The following SH3PXD2A variants were observed in gnomAD, a reference collection of about 807,000 sequenced individuals.
The protein encoded by SH3PXD2A is SH3 and PX domain-containing protein 2A.
Under a neutral mutation model 115.2 loss-of-function variants are expected in SH3PXD2A, and 32 were observed. That is an observed-to-expected ratio of 0.28 (90% CI 0.21 to 0.37). The LOEUF (loss-of-function observed/expected upper bound fraction) is 0.37, where lower values mean the gene tolerates loss of function less well. Ranked by LOEUF, SH3PXD2A falls within the 10% of genes least tolerant of loss-of-function variation. The pLI, the probability that SH3PXD2A is intolerant of heterozygous loss-of-function variation, is 1.00. For synonymous variants in SH3PXD2A, 610 were observed against 629.1 expected, an observed-to-expected ratio of 0.97 and a Z score of 0.45; for missense variants, 1,328 against 1,498.7, an observed-to-expected ratio of 0.89 and a Z score of 1.88.
intron 1 of SH3PXD2A, among the ~76,000 whole-genome samples, chr10:103,853,940 A>G (rs1473727): frequency 0.87 from 132,433 of 152,218 alleles, 58,775 homozygotes; most frequent in East Asian, 0.99. Context: ...ACCAGATGAC[A>G]CAAAAGAAAC....
rs2036149404 is a variant in SH3PXD2A, at chr10:103,597,214, G to C, written c.*4602C>G. On this transcript the variant is annotated 3_prime_UTR_variant, in exon 15 of 15. Coordinates refer to ENST00000369774, the MANE Select transcript of SH3PXD2A (RefSeq NM_001394015.1). Reference sequence around the variant, plus strand: ...AGGCTCAGCCCCAGGCCCTGCTGCAGGCTTGTGGGAATTGGTGTCTCACCA... The same window carrying C: ...AGGCTCAGCCCCAGGCCCTGCTGCACGCTTGTGGGAATTGGTGTCTCACCA... The C allele has an allele frequency of 6.5e-6, 1 of 152,704 alleles. No homozygotes were observed. Among genetic ancestry groups the C allele is most frequent in the South Asian group, 2.1e-4 (1 of 4,834 alleles). 9.5% of individuals were successfully genotyped at this position (152,704 alleles called of 1,614,324 possible).
At chr10:103,611,306 A>T (rs1468369773) in intron 13 of SH3PXD2A, among the ~76,000 whole-genome samples, 1 of 152,160 alleles carries the variant, frequency 6.6e-6, no homozygotes, top group Non-Finnish European at 1.5e-5. Flanking sequence ...GGCAGTCTAA[A>T]TGTTTATGTC....
intron 2 of SH3PXD2A, among the ~76,000 whole-genome samples, chr10:103,785,747 C>T (rs780021629): frequency 2.6e-5 from 4 of 152,008 alleles, no homozygotes; most frequent in Non-Finnish European, 4.4e-5. Flanking sequence ...GGGCTTCTGC[C>T]TTCACTAATC....
chr10:103,798,129 T>A (rs1227973033), intron 2 of SH3PXD2A, among the ~76,000 whole-genome samples: 2 of 151,956 alleles, frequency 1.3e-5, no homozygotes, highest in East Asian at 3.9e-4. Flanking sequence ...GGAGGGGAAG[T>A]ACGGGGAGAC....
intron 8 of SH3PXD2A, among the ~76,000 whole-genome samples, chr10:103,641,651 G>A (rs2036957249): frequency 6.6e-6 from 1 of 152,126 alleles, no homozygotes; most frequent in South Asian, 2.1e-4. Context: ...AAGAAACCCA[G>A]TCCCTCATCT....
At chr10:103,775,548 G>T (rs1053951473) in intron 2 of SH3PXD2A, among the ~76,000 whole-genome samples, 2 of 152,188 alleles carry the variant, frequency 1.3e-5, no homozygotes, top group African/African-American at 2.4e-5. Flanking sequence ...GGCCTTCCAG[G>T]GGGAGGAATG....
chr10:103,673,900 C>T (rs1366878849), intron 6 of SH3PXD2A, among the ~76,000 whole-genome samples: 1 of 152,198 alleles, frequency 6.6e-6, no homozygotes, highest in East Asian at 1.9e-4. Context: ...CCACCCTGGG[C>T]TCTGGGGAGG....
chr10:103,810,720 GGAAGT>G (rs1370285622), intron 1 of SH3PXD2A, among the ~76,000 whole-genome samples: 1 of 152,078 alleles, frequency 6.6e-6, no homozygotes, highest in Non-Finnish European at 1.5e-5. Flanking sequence ...TAGACACTCA[GGAAGT>G]GAACTGACTT....
At chr10:103,682,298 A>C (rs931407911) in intron 6 of SH3PXD2A, among the ~76,000 whole-genome samples, 4 of 152,244 alleles carry the variant, frequency 2.6e-5, no homozygotes, top group African/African-American at 9.6e-5. Context: ...GCGCAGACAC[A>C]CACGTGAGCA....
At chr10:103,644,704 T>C (rs184475560) in intron 8 of SH3PXD2A, among the ~76,000 whole-genome samples, 99 of 152,054 alleles carry the variant, frequency 6.5e-4, no homozygotes, top group East Asian at 1.9e-3. Flanking sequence ...ACTTACTGCC[T>C]AAACTGGATG....
rs1012062038 is a variant in SH3PXD2A, at chr10:103,653,392, T to C, written c.604+7591A>G. On this transcript the variant is annotated intron_variant, in intron 8 of 14. Transcript: ENST00000369774. ...CCCCCAAAGGGAAGGCGGCCAGGTATTGCCCTGAGGCTACAACTCGGGTGA... is the reference window on the plus strand; with the variant it reads ...CCCCCAAAGGGAAGGCGGCCAGGTACTGCCCTGAGGCTACAACTCGGGTGA... Among the ~76,000 whole-genome samples, 7 of 152,322 alleles carry C rather than the reference T, an allele frequency of 4.6e-5. No individual in the cohort carries two copies. The East Asian group carries it at 1.4e-3, about 29-fold the overall frequency.
chr10:103,783,610 G>A (rs1366402777), intron 2 of SH3PXD2A, among the ~76,000 whole-genome samples: 1 of 152,200 alleles, frequency 6.6e-6, no homozygotes, highest in Non-Finnish European at 1.5e-5. Flanking sequence ...GGTGTGCCCC[G>A]TACAGGTCTG....
chr10:103,773,111 C>T (rs1383097418), intron 2 of SH3PXD2A, among the ~76,000 whole-genome samples: 4 of 151,462 alleles, frequency 2.6e-5, no homozygotes, highest in African/African-American at 9.7e-5. Flanking sequence ...ATAATCGCAG[C>T]TACTCAGGAG....
intron 1 of SH3PXD2A, among the ~76,000 whole-genome samples, chr10:103,811,158 G>A (rs1294323014): frequency 1.3e-5 from 2 of 152,162 alleles, no homozygotes; most frequent in African/African-American, 2.4e-5. Context: ...TTTTCTTCAT[G>A]TTTCCTGGAG....
chr10:103,668,948 G>C (rs1046066808), intron 6 of SH3PXD2A, among the ~76,000 whole-genome samples: 2 of 152,252 alleles, frequency 1.3e-5, no homozygotes, highest in Admixed American at 1.3e-4. Flanking sequence ...TCCCTGGAAC[G>C]GGGCCCGTGG....
chr10:103,615,483 G>GGGGTGTGTGTGT (rs1237824774), intron 11 of SH3PXD2A, among the ~76,000 whole-genome samples: 53 of 128,600 alleles, frequency 4.1e-4, no homozygotes, highest in South Asian at 2.1e-3. Context: ...AGAGTGCGAG[G>GGGGTGTGTGTGT]GTGTGTGTGT....
At chr10:103,722,600 CTTTT>C (rs35815642) in intron 5 of SH3PXD2A, among the ~76,000 whole-genome samples, 4 of 137,036 alleles carry the variant, frequency 2.9e-5, no homozygotes, top group African/African-American at 2.7e-5. Context: ...ATATGCCTAG[CTTTT>C]TTTTTTTTTT....
intron 1 of SH3PXD2A, among the ~76,000 whole-genome samples, chr10:103,832,506 A>C (rs990600184): frequency 2.0e-5 from 3 of 152,232 alleles, no homozygotes; most frequent in African/African-American, 7.2e-5. Context: ...ACCAACCCAA[A>C]TGTCCATCAA....
intron 5 of SH3PXD2A, among the ~76,000 whole-genome samples, chr10:103,695,513 G>GAAA (rs1321423150): frequency 3.5e-4 from 33 of 93,090 alleles, no homozygotes; most frequent in African/African-American, 1.2e-3. Context: ...GTCTCAAAAA[G>GAAA]AAAAAAAAAA....
Sources: allele counts gnomAD v4.1 joint callset (sites outside exome capture counted in the v4.1 genomes callset), GRCh38; gene constraint gnomAD v4.1.1; transcripts MANE v1.5; gene names NCBI Gene and HGNC (gene_info 2026-07-23, HGNC 2026-07-21).